FBXL2: variants seen among roughly 807,000 people sequenced by gnomAD.
FBXL2 encodes F-box and leucine rich repeat protein 2, also known as F-box/LRR-repeat protein 2.
FBXL2 carries 38 observed loss-of-function variants against 69.2 expected under a neutral mutation model. The observed-to-expected ratio is 0.55, with a 90% CI of 0.42 to 0.72. The LOEUF is 0.72. Among genes scored for constraint, FBXL2 ranks in the 30% least tolerant of loss-of-function variants. FBXL2 has a pLI of 0.00. For missense variants in FBXL2, 354 were observed against 520.3 expected (o/e 0.68, Z 3.11); for synonymous variants, 192 against 201.3 (o/e 0.95, Z 0.39).
At chr3:33,300,857 C>T (rs1345279240) in intron 2 of FBXL2, among the ~76,000 whole-genome samples, 13 of 149,096 alleles carry the variant, frequency 8.7e-5, no homozygotes, top group Admixed American at 4.7e-4. Context: ...TACAGGTGCC[C>T]GCCACAACGC....
At chr3:33,409,502 C>T in the FBXL2 span, 13 of 1,613,856 alleles carry the variant, frequency 8.1e-6, no homozygotes, top group Non-Finnish European at 1.0e-5. Flanking sequence ...GTGTATTCTC[C>T]ATTTTCATTC....
intron 2 of FBXL2, among the ~76,000 whole-genome samples, chr3:33,355,885 G>A (rs564469791): frequency 2.0e-5 from 3 of 152,286 alleles, no homozygotes; most frequent in Non-Finnish European, 2.9e-5. Context: ...TTTACTCGTC[G>A]AAACATGAGT....
downstream of FBXL2, chr3:33,390,090 GT>G (rs1404147317): frequency 2.1e-6 from 1 of 466,198 alleles, no homozygotes; most frequent in Non-Finnish European, 3.8e-6. Context: ...TGCCTGCACC[GT>G]GGCCTCCAGA....
chr3:33,338,066 C>A (rs2039727155), intron 2 of FBXL2, among the ~76,000 whole-genome samples: 1 of 152,144 alleles, frequency 6.6e-6, no homozygotes, highest in South Asian at 2.1e-4. Context: ...AATGTTATTC[C>A]TATCAAAATG....
At chr3:33,383,266 C>G (rs2043178013) in intron 13 of FBXL2, 1 of 152,492 alleles carries the variant, frequency 6.6e-6, no homozygotes, top group Non-Finnish European at 1.5e-5. Context: ...TGATACAGTA[C>G]TTTTGCCTCT....
chr3:33,313,491 G>T (rs2037397873), intron 2 of FBXL2, among the ~76,000 whole-genome samples: 1 of 152,132 alleles, frequency 6.6e-6, no homozygotes, highest in African/African-American at 2.4e-5. Flanking sequence ...TGTCACCCAG[G>T]CTGGAATGTA....
intron 2 of FBXL2, among the ~76,000 whole-genome samples, chr3:33,310,432 C>T (rs2037089308): frequency 6.6e-6 from 1 of 152,092 alleles, no homozygotes; most frequent in Non-Finnish European, 1.5e-5. Flanking sequence ...GGATTACAGG[C>T]GTGAGCCACC....
At chr3:33,392,677 T>G, downstream of FBXL2, 1 of 1,439,112 alleles carries the variant, frequency 6.9e-7, no homozygotes, top group Non-Finnish European at 9.6e-7. Context: ...TTAAAATGAT[T>G]TTAAAACAGT....
At chr3:33,373,731 G>C in intron 8 of FBXL2, 27 bp downstream of exon 8, 1 of 1,614,174 alleles carries the variant, frequency 6.2e-7, no homozygotes, top group Non-Finnish European at 8.5e-7. Context: ...ACAGCTGTTT[G>C]TGTTATGTGT....
At chr3:33,419,390 G>A in the FBXL2 span, among the ~76,000 whole-genome samples, 11 of 152,264 alleles carry the variant, frequency 7.2e-5, no homozygotes, top group East Asian at 2.1e-3. Context: ...AGCACTTTGG[G>A]AGGCTGAGGT....
intron 2 of FBXL2, among the ~76,000 whole-genome samples, chr3:33,323,426 C>T (rs573175362): frequency 2.6e-5 from 4 of 152,144 alleles, no homozygotes; most frequent in Non-Finnish European, 5.9e-5. Context: ...CTGCCATCTA[C>T]ATTAGGTATT....
the FBXL2 span, among the ~76,000 whole-genome samples, chr3:33,420,722 C>T: frequency 1.3e-4 from 20 of 152,068 alleles, no homozygotes; most frequent in Admixed American, 7.2e-4. Context: ...CTCTCGACCT[C>T]GTGATCCACC....
At chr3:33,297,963 G>A (rs1455509213) in intron 2 of FBXL2, 4 of 530,408 alleles carry the variant, frequency 7.5e-6, no homozygotes, top group South Asian at 1.8e-5. Flanking sequence ...TTGTAATGTG[G>A]TAAGTATTGT....
intron 2 of FBXL2, among the ~76,000 whole-genome samples, chr3:33,346,181 G>C (rs1330904219): frequency 6.6e-6 from 1 of 152,074 alleles, no homozygotes; most frequent in African/African-American, 2.4e-5. Flanking sequence ...AGCTGAGATC[G>C]TGCCATTGCA....
intron 12 of FBXL2, among the ~76,000 whole-genome samples, chr3:33,401,492 G>A (rs1472048446): frequency 6.6e-6 from 1 of 152,138 alleles, no homozygotes; most frequent in Non-Finnish European, 1.5e-5. Context: ...ATTGATGAGG[G>A]TGAATTTCAA....
At chr3:33,416,382 G>C in the FBXL2 span, among the ~76,000 whole-genome samples, 1 of 152,202 alleles carries the variant, frequency 6.6e-6, no homozygotes. Flanking sequence ...TGAGTAGGGT[G>C]AACAGAGATT....
intron 12 of FBXL2, among the ~76,000 whole-genome samples, chr3:33,400,705 T>G (rs1425914537): frequency 2.0e-5 from 3 of 152,026 alleles, no homozygotes; most frequent in Non-Finnish European, 4.4e-5. Flanking sequence ...TGAGAAGAAC[T>G]GGATTAAAGG....
chr3:33,390,817 G>A (rs1176051628), downstream of FBXL2: 2 of 156,040 alleles, frequency 1.3e-5, no homozygotes, highest in Admixed American at 1.3e-4. Context: ...TTTTAAAACT[G>A]TATCATTCCT....
intron 10 of FBXL2, among the ~76,000 whole-genome samples, chr3:33,375,934 G>A (rs1445581005): frequency 6.6e-6 from 1 of 152,050 alleles, no homozygotes; most frequent in Non-Finnish European, 1.5e-5. Context: ...AGGTGGGTGG[G>A]TCACCTGAGG....
Sources: gnomAD v4.1 joint callset for allele counts (sites outside exome capture counted in the v4.1 genomes callset) on GRCh38, gnomAD v4.1.1 for gene constraint, MANE v1.5 for transcripts, NCBI Gene and HGNC (gene_info 2026-07-23, HGNC 2026-07-21) for gene names.